The following PTPRD variants were observed in gnomAD, a reference collection of about 807,000 sequenced individuals.
PTPRD encodes receptor-type tyrosine-protein phosphatase delta.
Under a neutral mutation model 214.5 loss-of-function variants are expected in PTPRD, and 34 were observed. The ratio of observed to expected loss-of-function variants is 0.16; its 90% CI spans 0.12 to 0.21. The LOEUF (loss-of-function observed/expected upper bound fraction) is 0.21, where lower values mean the gene tolerates loss of function less well. Among genes scored for constraint, PTPRD ranks in the 10% least tolerant of loss-of-function variants. The probability of loss-of-function intolerance (pLI) is 1.00; values close to 1 mark genes in which losing one functional copy is unlikely to be tolerated. For missense variants in PTPRD, 2,545 were observed against 2,398.7 expected, an observed-to-expected ratio of 1.06 and a Z score of -1.27; for synonymous variants, 1,128 against 845.7, an observed-to-expected ratio of 1.33 and a Z score of -5.79.
intron 10 of PTPRD, among the ~76,000 whole-genome samples, chr9:9,116,928 T>C (rs2099812895): frequency 6.6e-6 from 1 of 152,176 alleles, no homozygotes; most frequent in Non-Finnish European, 1.5e-5. Context: ...CTTGTTACCA[T>C]GCCTGACCCA....
intron 8 of PTPRD, among the ~76,000 whole-genome samples, chr9:9,459,810 C>T (rs1204157350): frequency 6.6e-6 from 1 of 152,000 alleles, no homozygotes; most frequent in African/African-American, 2.4e-5. Context: ...TATCAAATAA[C>T]CAATGCCATT....
intron 14 of PTPRD, among the ~76,000 whole-genome samples, chr9:8,557,107 G>C (rs1404599903): frequency 1.3e-5 from 2 of 152,030 alleles, no homozygotes; most frequent in African/African-American, 4.8e-5. Context: ...CAGAGAGCAG[G>C]GCCACAGTGG....
At chr9:8,546,978 T>C (rs2080353839) in intron 14 of PTPRD, among the ~76,000 whole-genome samples, 1 of 152,200 alleles carries the variant, frequency 6.6e-6, no homozygotes, top group Admixed American at 6.5e-5. Context: ...GTTCCAACTA[T>C]ACTCCTAACA....
At chr9:10,507,608 C>T (rs911487974) in intron 2 of PTPRD, among the ~76,000 whole-genome samples, 4 of 152,126 alleles carry the variant, frequency 2.6e-5, no homozygotes, top group African/African-American at 9.6e-5. Context: ...GAGATATAGA[C>T]CAATGGAACG....
rs113734419 is a variant in PTPRD at position 8,585,158 on chromosome 9, A to G, written c.352+48159T>C. Among the ~76,000 whole-genome samples the G allele has an allele frequency of 2.5e-3, 376 of 152,330 alleles. 3 individuals carry two copies. The highest frequency in any genetic ancestry group is 8.3e-3 in the African/African-American group (344 of 41,568). The stretch of plus-strand genomic sequence containing the variant: ...CAATGCTTGCCACGTGAAATTTTCA[A>G]CGTAGATCTTCAAATATGAAATATG... On this transcript the variant is annotated intron_variant, in intron 14 of 45. Coordinates refer to ENST00000381196, the MANE Select transcript of PTPRD (RefSeq NM_002839.4).
At chr9:9,519,533 A>G (rs1258355140) in intron 8 of PTPRD, among the ~76,000 whole-genome samples, 1 of 152,042 alleles carries the variant, frequency 6.6e-6, no homozygotes, top group Admixed American at 6.6e-5. Flanking sequence ...GACTACAGAC[A>G]TTAAAAAGAA....
chr9:8,886,873 T>C (rs1402626132), intron 11 of PTPRD, among the ~76,000 whole-genome samples: 1 of 152,246 alleles, frequency 6.6e-6, no homozygotes, highest in African/African-American at 2.4e-5. Flanking sequence ...TCCTGGAAGA[T>C]ATACACACAC....
chr9:9,753,439 A>G (rs1217625200), intron 6 of PTPRD, among the ~76,000 whole-genome samples: 1 of 152,056 alleles, frequency 6.6e-6, no homozygotes, highest in Admixed American at 6.6e-5. Context: ...TTGGTTGCAA[A>G]AATACCCTTC....
chr9:9,836,948 A>G (rs62533724), intron 5 of PTPRD, among the ~76,000 whole-genome samples: 28,516 of 152,158 alleles, frequency 0.19, 2,798 homozygotes, highest in Non-Finnish European at 0.22. Flanking sequence ...TGTGTGGGGC[A>G]CACCAGTTGG....
chr9:9,152,612 A>G (rs2099877761), intron 10 of PTPRD, among the ~76,000 whole-genome samples: 1 of 152,210 alleles, frequency 6.6e-6, no homozygotes, highest in South Asian at 2.1e-4. Context: ...TAGGGCTATA[A>G]ATGGTGCCAA....
At chr9:9,072,302 C>CACACACACAT (rs2099744949) in intron 10 of PTPRD, among the ~76,000 whole-genome samples, 1 of 151,586 alleles carries the variant, frequency 6.6e-6, no homozygotes, top group African/African-American at 2.4e-5. Context: ...CACACACACA[C>CACACACACAT]ACACACACAC....
chr9:9,588,463 A>G (rs1304715401), intron 7 of PTPRD, among the ~76,000 whole-genome samples: 1 of 151,960 alleles, frequency 6.6e-6, no homozygotes, highest in Non-Finnish European at 1.5e-5. Context: ...TGAAAGTCAT[A>G]GCCACTTCAT....
At chr9:9,708,081 C>T (rs545956177) in intron 7 of PTPRD, among the ~76,000 whole-genome samples, 5 of 152,080 alleles carry the variant, frequency 3.3e-5, no homozygotes, top group South Asian at 2.1e-4. Context: ...GAGATGTCTC[C>T]GTAAGAACTG....
At chr9:9,077,742 C>A (rs1239784675) in intron 10 of PTPRD, among the ~76,000 whole-genome samples, 1 of 152,028 alleles carries the variant, frequency 6.6e-6, no homozygotes, top group Non-Finnish European at 1.5e-5. Flanking sequence ...GTTAAACACA[C>A]AGCTATGCCT....
intron 5 of PTPRD, among the ~76,000 whole-genome samples, chr9:9,870,270 TA>T (rs1480810338): frequency 6.6e-6 from 1 of 152,016 alleles, no homozygotes; most frequent in Non-Finnish European, 1.5e-5. Flanking sequence ...AATCTTGATA[TA>T]AAAACAATTA....
At chr9:10,585,451 TC>T (rs1368874761) in intron 2 of PTPRD, among the ~76,000 whole-genome samples, 2 of 144,308 alleles carry the variant, frequency 1.4e-5, no homozygotes, top group Non-Finnish European at 3.0e-5. Context: ...ATTCTCCAAT[TC>T]AGAAAAAAAA....
At chr9:10,337,148 C>T (rs1424718586) in intron 3 of PTPRD, among the ~76,000 whole-genome samples, 1 of 151,500 alleles carries the variant, frequency 6.6e-6, no homozygotes, top group Non-Finnish European at 1.5e-5. Flanking sequence ...ATCGAGTGGC[C>T]CAATTTTGGT....
At position 10,478,113 on chromosome 9, in the gene PTPRD, T is replaced by G. The variant is rs993744384; in HGVS notation, c.-600+134285A>C. ...ATACCTATGTAACAAACCTGCACGT[T>G]TAGCACATGTATCCCAGAACTTAAA... On this transcript the variant is annotated intron_variant, in intron 2 of 45. Coordinates refer to ENST00000381196, the MANE Select transcript of PTPRD (RefSeq NM_002839.4). 2.0e-5 allele frequency among the ~76,000 whole-genome samples: 3 copies of G among 152,112 alleles called. No individual in the cohort carries two copies. The East Asian group carries it at 5.8e-4, about 30-fold the overall frequency.
At chr9:10,227,458 C>T (rs746493902) in intron 3 of PTPRD, among the ~76,000 whole-genome samples, 1 of 151,818 alleles carries the variant, frequency 6.6e-6, no homozygotes, top group East Asian at 1.9e-4. Context: ...AAAAATATTA[C>T]TCTTTCGCGT....
Sources: allele counts gnomAD v4.1 joint callset (sites outside exome capture counted in the v4.1 genomes callset), GRCh38; gene constraint gnomAD v4.1.1; transcripts MANE v1.5; gene names NCBI Gene and HGNC (gene_info 2026-07-23, HGNC 2026-07-21).